SMAD2: variants seen among roughly 807,000 people sequenced by gnomAD.
The protein encoded by SMAD2 is MAD homolog 2.
SMAD2 carries 8 observed loss-of-function variants against 64.4 expected under a neutral mutation model. That is an observed-to-expected ratio of 0.12 (90% CI 0.07 to 0.22). The LOEUF (loss-of-function observed/expected upper bound fraction) is 0.22. Among genes scored for constraint, SMAD2 ranks in the 10% least tolerant of loss-of-function variants. The pLI, the probability that SMAD2 is intolerant of heterozygous loss-of-function variation, is 1.00. For synonymous variants in SMAD2, 203 were observed against 195.8 expected, an observed-to-expected ratio of 1.04 and a Z score of -0.31; for missense variants, 289 against 561.2, an observed-to-expected ratio of 0.51 and a Z score of 4.90.
rs1158092324 is a variant in SMAD2, at chr18:47,841,145, T to TAA, written c.*680_*681dup. The stretch of plus-strand genomic sequence containing the variant: ...TTTCCTTATAATAAGATTTAGCAGT[T>TAA]AAAAAAAAAAACAAAAAAAAACAAA... On this transcript the variant is annotated 3_prime_UTR_variant, in exon 11 of 11. Coordinates refer to ENST00000262160, the MANE Select transcript of SMAD2 (RefSeq NM_005901.6). 12 of 185,624 alleles carry TAA rather than the reference T, an allele frequency of 6.5e-5. No homozygotes were observed. Among genetic ancestry groups the TAA allele is most frequent in the African/African-American group, 1.1e-4 (4 of 36,628 alleles). 11.5% of individuals were successfully genotyped at this position (185,624 alleles called of 1,614,324 possible). A position where few individuals can be genotyped will look rare whatever the true frequency, so the allele number is the denominator to read the frequency against.
intron 10 of SMAD2, among the ~76,000 whole-genome samples, chr18:47,844,720 C>A (rs1914323740): frequency 6.6e-6 from 1 of 152,160 alleles, no homozygotes; most frequent in Non-Finnish European, 1.5e-5. Context: ...GCAACGATGG[C>A]AATTTCATAT....
intron 1 of SMAD2, among the ~76,000 whole-genome samples, chr18:47,917,618 G>A (rs961596606): frequency 4.6e-5 from 7 of 151,804 alleles, no homozygotes; most frequent in Admixed American, 3.3e-4. Flanking sequence ...GGAGTTATAC[G>A]TTATTCTATT....
chr18:47,864,077 A>C (rs976725987), intron 6 of SMAD2, among the ~76,000 whole-genome samples: 1 of 152,198 alleles, frequency 6.6e-6, no homozygotes, highest in East Asian at 1.9e-4. Context: ...AAAAAAGAAT[A>C]TTATTGCTTC....
intron 2 of SMAD2, chr18:47,878,420 G>C (rs1223193866): frequency 6.6e-6 from 1 of 152,080 alleles, no homozygotes; most frequent in East Asian, 1.9e-4. Flanking sequence ...ACGTTCTTAA[G>C]AATCAAGCAA....
In SMAD2 at chr18:47,818,783, C is replaced by T. The variant is rs925263866; in HGVS notation, c.*23044G>A. The stretch of plus-strand genomic sequence containing the variant: ...GTGGGGTAAGAGGTTTTTTAAAAAT[C>T]CAAACTGCTATTTACCAAAACTTTT... On this transcript the variant is annotated 3_prime_UTR_variant, in exon 11 of 11. Transcript: ENST00000262160. 1.3e-5 allele frequency: 2 copies of T among 152,108 alleles called. No homozygotes were observed. Among genetic ancestry groups the T allele is most frequent in the African/African-American group, 4.8e-5 (2 of 41,422 alleles). 9.4% of individuals were successfully genotyped at this position (152,108 alleles called of 1,614,324 possible).
At chr18:47,892,348 T>C (rs1339620149) in intron 2 of SMAD2, among the ~76,000 whole-genome samples, 3 of 152,042 alleles carry the variant, frequency 2.0e-5, no homozygotes, top group Non-Finnish European at 2.9e-5. Flanking sequence ...TACAGGCACA[T>C]GCCACCACAC....
rs1014458353 is a variant in SMAD2, at chr18:47,813,834, CAG to C, written c.*27991_*27992del. 7.4e-5 allele frequency: 11 copies of C among 149,364 alleles called. No individual in the cohort carries two copies. The highest frequency in any genetic ancestry group is 2.5e-4 in the African/African-American group (10 of 40,496). The allele number at this position is 149,364 out of a possible 1,614,324, so 9.3% of individuals were successfully genotyped here. ...GCAAAGGCCAGAGAGATATCCAAGC[CAG>C]AGAGATATCCAAGGCAGAACAAAGC... On this transcript the variant is annotated 3_prime_UTR_variant, in exon 11 of 11. Transcript: ENST00000262160.
rs373692666 is a variant in SMAD2, at chr18:47,891,343, C to A, written c.236+5178G>T. Among the ~76,000 whole-genome samples, 7 of 151,974 alleles carry A rather than the reference C, an allele frequency of 4.6e-5. No homozygotes were observed. In the South Asian group the frequency reaches 1.5e-3, roughly 32 times the overall value. On this transcript the variant is annotated intron_variant, in intron 2 of 10. Coordinates refer to ENST00000262160, the MANE Select transcript of SMAD2 (RefSeq NM_005901.6). Reference sequence around the variant, plus strand: ...CAAAACAAAATCCAAATGTTAATGGCAGCATTAAAAAGAAACATCCTGGAA... The same window carrying A: ...CAAAACAAAATCCAAATGTTAATGGAAGCATTAAAAAGAAACATCCTGGAA...
rs945207343 is a variant in SMAD2 at position 47,840,405 on chromosome 18, C to T, written c.*1422G>A. On this transcript the variant is annotated 3_prime_UTR_variant, in exon 11 of 11. Coordinates refer to ENST00000262160, the MANE Select transcript of SMAD2 (RefSeq NM_005901.6). ...GCAGAATGAACTAGCAACAGAGTTT[C>T]GGAAATCTCCTCTCACTACAGAGCA... 6.4e-5 allele frequency: 15 copies of T among 232,808 alleles called. No individual in the cohort carries two copies. The highest frequency in any genetic ancestry group is 2.6e-3 in the Middle Eastern group (2 of 776). 14.4% of individuals were successfully genotyped at this position (232,808 alleles called of 1,614,324 possible). A position where few individuals can be genotyped will look rare whatever the true frequency, so the allele number is the denominator to read the frequency against.
chr18:47,926,748 T>G (rs2034782828), intron 1 of SMAD2, among the ~76,000 whole-genome samples: 1 of 152,144 alleles, frequency 6.6e-6, no homozygotes, highest in Admixed American at 6.5e-5. Flanking sequence ...TTACAATAGG[T>G]CCATAATAAC....
intron 2 of SMAD2, among the ~76,000 whole-genome samples, chr18:47,874,492 C>T (rs2032144463): frequency 6.6e-6 from 1 of 152,020 alleles, no homozygotes; most frequent in African/African-American, 2.4e-5. Context: ...TTGAATCTAA[C>T]TAAACTGAAT....
rs1475288865 is a variant in SMAD2, at chr18:47,929,697, C to G, written c.-54+664G>C. ...CAGGCATTCTTTTTCTGTTTAGGATCAAAAGGACATTTTAAGGATAAGTAA... is the reference window on the plus strand; with the variant it reads ...CAGGCATTCTTTTTCTGTTTAGGATGAAAAGGACATTTTAAGGATAAGTAA... On this transcript the variant is annotated intron_variant, in intron 1 of 10. Coordinates refer to ENST00000262160, the MANE Select transcript of SMAD2 (RefSeq NM_005901.6). Among the ~76,000 whole-genome samples the G allele has an allele frequency of 2.6e-5, 4 of 152,098 alleles. 1 individual carries two copies. Among genetic ancestry groups the G allele is most frequent in the Non-Finnish European group, 4.4e-5 (3 of 68,004 alleles).
intron 2 of SMAD2, among the ~76,000 whole-genome samples, chr18:47,895,946 T>TA (rs2033419719): frequency 6.6e-6 from 1 of 152,238 alleles, no homozygotes; most frequent in Non-Finnish European, 1.5e-5. Context: ...ATGACAGTGG[T>TA]ACTTATCTGT....
At position 47,833,944 on chromosome 18, in the gene SMAD2, G is replaced by C; in HGVS notation, c.*7883C>G. On this transcript the variant is annotated 3_prime_UTR_variant, in exon 11 of 11. Coordinates refer to ENST00000262160, the MANE Select transcript of SMAD2 (RefSeq NM_005901.6). ...GATTTGTACTTACATATACACATAGGTTCAGAAGAACTTAGCTATCTAGTT... is the reference window on the plus strand; with the variant it reads ...GATTTGTACTTACATATACACATAGCTTCAGAAGAACTTAGCTATCTAGTT... The C allele has an allele frequency of 4.5e-6, 1 of 224,656 alleles. No homozygotes were observed. Among genetic ancestry groups the C allele is most frequent in the South Asian group, 1.8e-4 (1 of 5,406 alleles). The allele number at this position is 224,656 out of a possible 1,614,324, so 13.9% of individuals were successfully genotyped here. A position where few individuals can be genotyped will look rare whatever the true frequency, so the allele number is the denominator to read the frequency against.
intron 6 of SMAD2, among the ~76,000 whole-genome samples, chr18:47,852,379 G>A (rs1204792417): frequency 3.9e-5 from 6 of 152,090 alleles, no homozygotes; most frequent in Non-Finnish European, 7.4e-5. Flanking sequence ...GACTTTTAGG[G>A]TAATGTTTCT....
At chr18:47,851,476 T>G in intron 6 of SMAD2, 149 bp from the exon 7 acceptor site, 1 of 325,480 alleles carries the variant, frequency 3.1e-6, no homozygotes, top group Non-Finnish European at 5.7e-6. Flanking sequence ...GTGCTTAAAT[T>G]TAGTTTAATT....
At chr18:47,908,396 G>A (rs2033989672) in intron 1 of SMAD2, among the ~76,000 whole-genome samples, 1 of 151,876 alleles carries the variant, frequency 6.6e-6, no homozygotes, top group African/African-American at 2.4e-5. Flanking sequence ...TTTTATTCAA[G>A]AAACATTGCA....
intron 2 of SMAD2, among the ~76,000 whole-genome samples, chr18:47,885,495 A>G (rs1193290422): frequency 6.6e-6 from 1 of 152,234 alleles, no homozygotes; most frequent in East Asian, 1.9e-4. Context: ...ACAATTAAAA[A>G]GAAAAATAGT....
At chr18:47,861,329 A>G (rs1011793393) in intron 6 of SMAD2, among the ~76,000 whole-genome samples, 1 of 152,136 alleles carries the variant, frequency 6.6e-6, no homozygotes, top group African/African-American at 2.4e-5. Flanking sequence ...CTTCTCAAAA[A>G]ACAATCAAAC....
Sources: gnomAD v4.1 joint callset for allele counts (sites outside exome capture counted in the v4.1 genomes callset) on GRCh38, gnomAD v4.1.1 for gene constraint, MANE v1.5 for transcripts, NCBI Gene and HGNC (gene_info 2026-07-23, HGNC 2026-07-21) for gene names.